Variants in UNC13C observed in about 807,000 individuals in gnomAD.
UNC13C encodes unc-13 homolog C.
UNC13C carries 174 observed loss-of-function variants against 245.4 expected under a neutral mutation model. The ratio of observed to expected loss-of-function variants is 0.71; its 90% CI spans 0.63 to 0.80. The LOEUF is 0.80. UNC13C is among the 30% of genes least tolerant of loss of function. The pLI is 0.00. For missense variants in UNC13C, 2,829 were observed against 2,602.9 expected (o/e 1.09, Z -1.89); for synonymous variants, 992 against 895.1 (o/e 1.11, Z -1.93).
chr15:54,453,052 G>A (rs1891269014), intron 19 of UNC13C, among the ~76,000 whole-genome samples: 1 of 152,152 alleles, frequency 6.6e-6, no homozygotes. Context: ...CCATTTTGTA[G>A]CTGCTTAGGG....
intron 18 of UNC13C, among the ~76,000 whole-genome samples, chr15:54,408,416 G>A (rs1226837905): frequency 6.6e-6 from 1 of 151,876 alleles, no homozygotes; most frequent in Non-Finnish European, 1.5e-5. Flanking sequence ...AGATCTCAGT[G>A]CTTAACTCCT....
At chr15:53,962,639 T>C in the UNC13C span, among the ~76,000 whole-genome samples, 4 of 152,196 alleles carry the variant, frequency 2.6e-5, no homozygotes, top group Non-Finnish European at 4.4e-5. Flanking sequence ...ACTTATAAGA[T>C]GCTGACTGTT....
Position 54,567,962 on chromosome 15 carries a change from G to A in UNC13C, c.6106+15G>A. On this transcript the variant is annotated intron_variant, in intron 30 of 32. Coordinates refer to ENST00000260323, the MANE Select transcript of UNC13C (RefSeq NM_001080534.3). ...AACCTCACAGAGTAAGTAACACATA[G>A]GACCTGAGAATAAGGTAAACTGAAT... 1 of 1,499,068 alleles carries A rather than the reference G, an allele frequency of 6.7e-7. No individual in the cohort carries two copies. The highest frequency in any genetic ancestry group is 8.9e-7 in the Non-Finnish European group (1 of 1,117,632). 92.9% of individuals were successfully genotyped at this position (1,499,068 alleles called of 1,614,324 possible).
At chr15:53,896,377 C>A in the UNC13C span, among the ~76,000 whole-genome samples, 26 of 152,212 alleles carry the variant, frequency 1.7e-4, no homozygotes, top group South Asian at 4.1e-4. Context: ...TTGAGTGCTG[C>A]TGTGCTCTTC....
At chr15:54,084,979 T>A (rs1899155053) in intron 2 of UNC13C, among the ~76,000 whole-genome samples, 1 of 152,192 alleles carries the variant, frequency 6.6e-6, no homozygotes, top group Non-Finnish European at 1.5e-5. Context: ...GGCAGGTACA[T>A]CCTTATTTTA....
rs529879611 is a variant in UNC13C, at chr15:54,230,163, C to T, written c.3072-4867C>T. ...GTTTTTTACTTATTTGAGGAATCTA[C>T]ACCTCATTTTCCACAATGGCTGTAT... On this transcript the variant is annotated intron_variant, in intron 4 of 32. Transcript: ENST00000260323. Among the ~76,000 whole-genome samples the T allele has an allele frequency of 3.3e-5, 4 of 121,596 alleles. No homozygotes were observed. The South Asian group carries it at 1.1e-3, about 32-fold the overall frequency. The allele number at this position is 121,596 out of a possible 152,430, so 79.8% of individuals were successfully genotyped here. A position where few individuals can be genotyped will look rare whatever the true frequency, so the allele number is the denominator to read the frequency against.
chr15:54,007,600 G>C (rs1159154731), intron 1 of UNC13C, among the ~76,000 whole-genome samples: 1 of 152,112 alleles, frequency 6.6e-6, no homozygotes, highest in Non-Finnish European at 1.5e-5. Context: ...GCACACACTG[G>C]AACCTGTTGC....
chr15:54,438,999 T>G (rs976424520), intron 19 of UNC13C, among the ~76,000 whole-genome samples: 1 of 151,996 alleles, frequency 6.6e-6, no homozygotes, highest in African/African-American at 2.4e-5. Flanking sequence ...CACCCTTAAG[T>G]ATCTGGTTCT....
the UNC13C span, among the ~76,000 whole-genome samples, chr15:53,853,221 G>A: frequency 6.6e-6 from 1 of 152,098 alleles, no homozygotes; most frequent in Non-Finnish European, 1.5e-5. Context: ...TCCCCACCAT[G>A]TGTCTATGTG....
At chr15:54,224,757 C>T (rs1372542682) in intron 4 of UNC13C, among the ~76,000 whole-genome samples, 2 of 152,082 alleles carry the variant, frequency 1.3e-5, no homozygotes, top group African/African-American at 4.8e-5. Flanking sequence ...CAAAATTTAA[C>T]AATGAAGTCA....
intron 30 of UNC13C, among the ~76,000 whole-genome samples, chr15:54,601,561 T>A (rs1299696840): frequency 6.6e-6 from 1 of 152,160 alleles, no homozygotes; most frequent in Non-Finnish European, 1.5e-5. Flanking sequence ...GAATCTTGCA[T>A]AGGCTAATAA....
chr15:54,059,942 C>G (rs1897731896), intron 2 of UNC13C, among the ~76,000 whole-genome samples: 2 of 152,262 alleles, frequency 1.3e-5, no homozygotes, highest in African/African-American at 4.8e-5. Context: ...GGATCCCTTC[C>G]TTATACCTTA....
intron 29 of UNC13C, among the ~76,000 whole-genome samples, chr15:54,561,880 G>A (rs1312433352): frequency 6.6e-6 from 1 of 151,918 alleles, no homozygotes; most frequent in Non-Finnish European, 1.5e-5. Flanking sequence ...AGGAGAAAGG[G>A]AAAGATGGAT....
chr15:54,084,577 G>T (rs1899133891), intron 2 of UNC13C, among the ~76,000 whole-genome samples: 2 of 152,008 alleles, frequency 1.3e-5, no homozygotes, highest in Non-Finnish European at 2.9e-5. Context: ...TCCTTTAATG[G>T]GTCATTTCAC....
chr15:54,374,469 C>T (rs2039561314), intron 17 of UNC13C, among the ~76,000 whole-genome samples: 1 of 152,172 alleles, frequency 6.6e-6, no homozygotes, highest in Non-Finnish European at 1.5e-5. Flanking sequence ...TTCTGCACCA[C>T]CTCCAGCAAG....
At chr15:53,937,850 A>T in the UNC13C span, among the ~76,000 whole-genome samples, 1 of 152,218 alleles carries the variant, frequency 6.6e-6, no homozygotes, top group Non-Finnish European at 1.5e-5. Context: ...ATTTGTCACC[A>T]CTGGGCCTGC....
chr15:54,142,937 C>A, intron 2 of UNC13C, 81 bp from the exon 3 acceptor site: 1 of 1,181,122 alleles, frequency 8.5e-7, no homozygotes, highest in South Asian at 1.2e-5. Flanking sequence ...TATTAACACT[C>A]TGTTCATGTA....
At chr15:54,471,021 A>T (rs1892434585) in intron 19 of UNC13C, among the ~76,000 whole-genome samples, 1 of 151,094 alleles carries the variant, frequency 6.6e-6, no homozygotes, top group Admixed American at 6.6e-5. Context: ...ATTTTACATA[A>T]TTTTTCCTGT....
At chr15:54,308,328 GC>G (rs1188131118) in intron 13 of UNC13C, among the ~76,000 whole-genome samples, 2 of 151,702 alleles carry the variant, frequency 1.3e-5, no homozygotes, top group Non-Finnish European at 2.9e-5. Context: ...AGTTGCTTTA[GC>G]CAAAAACTTG....
Sources: gnomAD v4.1 joint callset for allele counts (sites outside exome capture counted in the v4.1 genomes callset) on GRCh38, gnomAD v4.1.1 for gene constraint, MANE v1.5 for transcripts, NCBI Gene and HGNC (gene_info 2026-07-23, HGNC 2026-07-21) for gene names.